Variants in CCDC169 observed in about 807,000 individuals in gnomAD.
CCDC169 encodes coiled-coil domain-containing protein 169.
Under a neutral mutation model 36.0 loss-of-function variants are expected in CCDC169, and 30 were observed. That is an observed-to-expected ratio of 0.83 (90% CI 0.62 to 1.13). The LOEUF (loss-of-function observed/expected upper bound fraction) is 1.13. Among genes scored for constraint, CCDC169 ranks in the 50% most tolerant of loss-of-function variants. The probability of loss-of-function intolerance (pLI) is 0.00; values close to 1 mark genes in which losing one functional copy is unlikely to be tolerated. For missense variants in CCDC169, 245 were observed against 245.9 expected (o/e 1.00, Z 0.03); for synonymous variants, 85 against 81.5 (o/e 1.04, Z -0.23).
chr13:36,291,623 T>A (rs1335049762), intron 2 of CCDC169, among the ~76,000 whole-genome samples: 1 of 152,174 alleles, frequency 6.6e-6, no homozygotes, highest in Non-Finnish European at 1.5e-5. Flanking sequence ...CTAATAGCTA[T>A]AACTCATTTC....
At chr13:36,258,676 G>A (rs374441872) in intron 4 of CCDC169, among the ~76,000 whole-genome samples, 230 of 152,188 alleles carry the variant, frequency 1.5e-3, no homozygotes, top group African/African-American at 5.1e-3. Context: ...CCCCTTTCAC[G>A]GAAAACTCAT....
chr13:36,254,581 T>G (rs965384727), intron 4 of CCDC169, among the ~76,000 whole-genome samples: 3 of 152,040 alleles, frequency 2.0e-5, no homozygotes, highest in East Asian at 1.9e-4. Context: ...CGGGCTAATG[T>G]GTACTTTTTA....
intron 4 of CCDC169, among the ~76,000 whole-genome samples, chr13:36,259,764 T>G (rs1874382369): frequency 6.6e-6 from 1 of 152,238 alleles, no homozygotes; most frequent in South Asian, 2.1e-4. Flanking sequence ...GACCAAAGGT[T>G]GAAGTTTTCC....
downstream of CCDC169, among the ~76,000 whole-genome samples, chr13:36,227,989 T>C (rs1311229981): frequency 2.6e-5 from 4 of 152,234 alleles, no homozygotes; most frequent in East Asian, 7.7e-4. Context: ...TGTTGCAGCA[T>C]ATATCAGCAT....
rs1314120792 is a variant in CCDC169, at chr13:36,283,572, A to G, written c.274+20T>C. 2.6e-6 allele frequency: 4 copies of G among 1,551,080 alleles called. No homozygotes were observed. Among genetic ancestry groups the G allele is most frequent in the African/African-American group, 2.7e-5 (2 of 73,030 alleles). ...AGTTTTAACTCAAATTATAAAATGT[A>G]CATATGATTGGTTTTGTACCTGAAG... On this transcript the variant is annotated intron_variant, in intron 3 of 7. Transcript: ENST00000239859.
At chr13:36,244,127 C>A (rs1872197820) in intron 7 of CCDC169, among the ~76,000 whole-genome samples, 1 of 152,182 alleles carries the variant, frequency 6.6e-6, no homozygotes, top group South Asian at 2.1e-4. Flanking sequence ...GGTGGTTGTG[C>A]AGAAAAGTCA....
chr13:36,234,532 A>C (rs9531644), intron 7 of CCDC169, among the ~76,000 whole-genome samples: 61,554 of 151,906 alleles, frequency 0.41, 13,247 homozygotes, highest in Non-Finnish European at 0.48. Context: ...ACATCATAAT[A>C]AAACTATCAA....
chr13:36,297,654 C>G lies in CCDC169; in HGVS notation c.66G>C (p.Leu22=). Residue 22 remains leucine (L), a synonymous_variant, in exon 1 of 8, where the codon CTG becomes CTC. Transcript: ENST00000239859. ...CGACTCACTTCTTGCGGACTTCTTC[C>G]AGCAACTGCTGTTTCAGGCGGTTGG... ...VSTNRLKQQL[L]EEVRKKDAVQ... 6.4e-7 allele frequency: 1 copy of G among 1,551,098 alleles called. No individual in the cohort carries two copies. Among genetic ancestry groups the G allele is most frequent in the Non-Finnish European group, 8.7e-7 (1 of 1,147,008 alleles).
In CCDC169 at chr13:36,254,274, A is replaced by AATTTTT. The variant is rs745490666; in HGVS notation, c.316-132_316-131insAAAAAT. The AATTTTT allele has an allele frequency of 1.7e-3, 692 of 415,854 alleles. 21 individuals are homozygous for AATTTTT. Among genetic ancestry groups the AATTTTT allele is most frequent in the East Asian group, 3.0e-3 (63 of 21,272 alleles). 25.8% of individuals were successfully genotyped at this position (415,854 alleles called of 1,614,324 possible). The stretch of plus-strand genomic sequence containing the variant: ...GTGATTTCATAATTCTATGATATGT[A>AATTTTT]CTTTTTTTTTTTTTTTTTTTAGACA... On this transcript the variant is annotated intron_variant, in intron 4 of 7. Transcript: ENST00000239859.
chr13:36,274,397 G>GA (rs1309457872), intron 4 of CCDC169: 3 of 151,958 alleles, frequency 2.0e-5, no homozygotes, highest in Non-Finnish European at 2.9e-5. Context: ...CTTTAAAACA[G>GA]AAGAACAGAC....
intron 6 of CCDC169, among the ~76,000 whole-genome samples, chr13:36,251,172 CA>C (rs916672423): frequency 3.0e-4 from 46 of 152,292 alleles, no homozygotes; most frequent in African/African-American, 1.1e-3. Context: ...AAGAGTGAGA[CA>C]AAGCTACAGA....
intron 6 of CCDC169, among the ~76,000 whole-genome samples, chr13:36,253,037 C>T (rs548672904): frequency 2.0e-5 from 3 of 152,074 alleles, no homozygotes; most frequent in African/African-American, 4.8e-5. Flanking sequence ...ACAATACCAA[C>T]GATATCATAA....
At position 36,297,768 on chromosome 13, in the gene CCDC169, C is replaced by G; in HGVS notation, c.-49G>C. On this transcript the variant is annotated 5_prime_UTR_variant, in exon 1 of 8. Coordinates refer to ENST00000239859, the MANE Select transcript of CCDC169 (RefSeq NM_001144981.3). ...CGTCTTTCCCCTCAGCACCTTAGAGCACAAGACATTAAGGGCCACCCAGAA... is the reference window on the plus strand; with the variant it reads ...CGTCTTTCCCCTCAGCACCTTAGAGGACAAGACATTAAGGGCCACCCAGAA... 1 of 1,518,616 alleles carries G rather than the reference C, an allele frequency of 6.6e-7. No homozygotes were observed. The highest frequency in any genetic ancestry group is 2.5e-5 in the East Asian group (1 of 40,784). The allele number at this position is 1,518,616 out of a possible 1,614,324, so 94.1% of individuals were successfully genotyped here.
chr13:36,227,129 TG>T, downstream of CCDC169: 6 of 979,148 alleles, frequency 6.1e-6, no homozygotes, highest in African/African-American at 1.6e-5. Context: ...TACAATTTCC[TG>T]GGGGAGGCTT....
intron 4 of CCDC169, among the ~76,000 whole-genome samples, chr13:36,272,116 T>TAAAATA (rs371631186): frequency 2.1e-5 from 3 of 142,582 alleles, no homozygotes; most frequent in African/African-American, 7.8e-5. Flanking sequence ...AATAAATAAA[T>TAAAATA]AAATAAAATA....
At chr13:36,276,349 C>A (rs1351634027) in intron 4 of CCDC169, among the ~76,000 whole-genome samples, 1 of 152,134 alleles carries the variant, frequency 6.6e-6, no homozygotes, top group Non-Finnish European at 1.5e-5. Context: ...TAAAATGTTA[C>A]TAAATAAAAT....
At chr13:36,274,909 C>T (rs1047276065) in intron 4 of CCDC169, among the ~76,000 whole-genome samples, 3 of 139,928 alleles carry the variant, frequency 2.1e-5, no homozygotes, top group African/African-American at 7.9e-5. Flanking sequence ...CTCCCTGTCG[C>T]CCAGGCTGGA....
intron 7 of CCDC169, among the ~76,000 whole-genome samples, chr13:36,237,185 A>C (rs1362700002): frequency 6.6e-6 from 1 of 152,082 alleles, no homozygotes; most frequent in Non-Finnish European, 1.5e-5. Context: ...AACAAGTACA[A>C]GAAAAGATTT....
At chr13:36,284,963 G>A (rs1464326153) in intron 2 of CCDC169, among the ~76,000 whole-genome samples, 1 of 152,064 alleles carries the variant, frequency 6.6e-6, no homozygotes, top group Non-Finnish European at 1.5e-5. Flanking sequence ...GCTTTGGAAA[G>A]GTACAAGAAG....
Sources: gnomAD v4.1 joint callset for allele counts (sites outside exome capture counted in the v4.1 genomes callset) on GRCh38, gnomAD v4.1.1 for gene constraint, MANE v1.5 for transcripts, NCBI Gene and HGNC (gene_info 2026-07-23, HGNC 2026-07-21) for gene names.